DYNC2I1: variants seen among roughly 807,000 people sequenced by gnomAD.
The protein encoded by DYNC2I1 is dynein 2 intermediate chain 1, also known as cytoplasmic dynein 2 intermediate chain 1.
A neutral mutation model predicts 133.4 loss-of-function variants in DYNC2I1; 89 were observed. That is an observed-to-expected ratio of 0.67 (90% CI 0.56 to 0.80). The LOEUF is 0.80. Among genes scored for constraint, DYNC2I1 ranks in the 30% least tolerant of loss-of-function variants. DYNC2I1 has a pLI of 0.00. For missense variants in DYNC2I1, 1,291 were observed against 1,314.5 expected (o/e 0.98, Z 0.28); for synonymous variants, 504 against 484.3 (o/e 1.04, Z -0.54).
At chr7:158,902,932 G>C in intron 10 of DYNC2I1, 1 of 243,496 alleles carries the variant, frequency 4.1e-6, no homozygotes, top group Admixed American at 5.3e-5. Flanking sequence ...GCCCTCCTCA[G>C]TGGGAGCTGA....
chr7:158,913,708 GA>G (rs201489541), intron 13 of DYNC2I1, among the ~76,000 whole-genome samples: 237 of 151,946 alleles, frequency 1.6e-3, no homozygotes, highest in African/African-American at 5.5e-3. Context: ...TGATGCCTTT[GA>G]AAAAAAATTT....
intron 23 of DYNC2I1, among the ~76,000 whole-genome samples, chr7:158,936,784 C>T (rs1049628229): frequency 1.3e-5 from 2 of 152,220 alleles, no homozygotes; most frequent in South Asian, 2.1e-4. Context: ...CCCTTTGAGA[C>T]TTCCCTCATT....
chr7:158,898,141 T>A (rs745898498), intron 8 of DYNC2I1, among the ~76,000 whole-genome samples: 2 of 152,220 alleles, frequency 1.3e-5, no homozygotes, highest in Non-Finnish European at 2.9e-5. Context: ...TGTTAAGGTA[T>A]GTTTTATGGC....
chr7:158,841,187 A>T, the DYNC2I1 span, among the ~76,000 whole-genome samples: 5 of 60,074 alleles, frequency 8.3e-5, no homozygotes, highest in East Asian at 1.2e-3. Flanking sequence ...ATATATATAT[A>T]TATATATATA....
chr7:158,933,599 C>A (rs1850443321), intron 21 of DYNC2I1, among the ~76,000 whole-genome samples: 1 of 152,214 alleles, frequency 6.6e-6, no homozygotes. Context: ...TGGGAACCCA[C>A]AAGCTGAGAT....
chr7:158,869,314 A>G (rs6977670), intron 1 of DYNC2I1: 2 of 362,076 alleles, frequency 5.5e-6, no homozygotes, highest in South Asian at 4.2e-5. Flanking sequence ...TGGCATCTGC[A>G]GGGGCCTCTC....
At chr7:158,839,591 G>A in the DYNC2I1 span, among the ~76,000 whole-genome samples, 11,926 of 152,074 alleles carry the variant, frequency 0.078, 539 homozygotes, top group Middle Eastern at 0.15. Context: ...AGGCCGAGGC[G>A]GGTGGATCAC....
At chr7:158,886,643 G>T (rs531435310) in intron 6 of DYNC2I1, among the ~76,000 whole-genome samples, 6 of 151,866 alleles carry the variant, frequency 4.0e-5, no homozygotes, top group Non-Finnish European at 7.4e-5. Flanking sequence ...TTTCTCTGTC[G>T]CCCAGGCTGT....
intron 21 of DYNC2I1, among the ~76,000 whole-genome samples, chr7:158,931,445 TAA>T (rs1333235975): frequency 6.6e-6 from 1 of 152,218 alleles, no homozygotes; most frequent in Non-Finnish European, 1.5e-5. Flanking sequence ...AATTATATTT[TAA>T]AAAGTCATTT....
At chr7:158,885,117 C>T (rs1008778731) in intron 6 of DYNC2I1, among the ~76,000 whole-genome samples, 13 of 152,034 alleles carry the variant, frequency 8.6e-5, no homozygotes, top group African/African-American at 2.4e-4. Context: ...CAGGACGTGC[C>T]GGCGAGTCCC....
chr7:158,868,971 A>C (rs955542513), intron 1 of DYNC2I1, among the ~76,000 whole-genome samples: 8 of 152,174 alleles, frequency 5.3e-5, no homozygotes, highest in Non-Finnish European at 8.8e-5. Flanking sequence ...GTTGCTGTGT[A>C]AGAGGCTGTG....
At position 158,926,437 on chromosome 7, in the gene DYNC2I1, G is replaced by T; in HGVS notation, c.2407G>T (p.Asp803Tyr). 6.2e-7 allele frequency: 1 copy of T among 1,613,472 alleles called. No homozygotes were observed. ...SGLSFHIASL[D>Y]ESGVLNVWVV... ...TTTGTCCTTCCACATCGCTTCCTTG[G>T]ATGAGAGTGGGGTTCTCAATGTATG... The change falls in exon 19 of 25, where the codon GAT becomes TAT. Residue 803 changes from aspartate to tyrosine, a missense_variant. Coordinates refer to ENST00000407559, the MANE Select transcript of DYNC2I1 (RefSeq NM_018051.5).
rs1484415451 is a variant in DYNC2I1 at position 158,913,081 on chromosome 7, A to T, written c.1687A>T (p.Thr563Ser). The change falls in exon 13 of 25, where the codon ACT (threonine) becomes TCT (serine). Residue 563 changes from threonine (T) to serine (S), a missense_variant. Physicochemically the swap from Thr to Ser is moderately conservative, Grantham distance 58. Coordinates refer to ENST00000407559, the MANE Select transcript of DYNC2I1 (RefSeq NM_018051.5). The part of the protein sequence containing the change: ...EVWTQHPGES[T>S]VVSGGSEQRD... The stretch of plus-strand genomic sequence containing the variant: ...GTGGACCCAGCACCCGGGAGAAAGT[A>T]CTGTTGTATCTGGAGGTAACATCTT... The T allele has an allele frequency of 3.1e-6, 5 of 1,612,766 alleles. No homozygotes were observed. The African/African-American group carries it at 5.3e-5, about 17-fold the overall frequency.
At chr7:158,936,413 C>A (rs1377125418) in intron 23 of DYNC2I1, among the ~76,000 whole-genome samples, 1 of 152,108 alleles carries the variant, frequency 6.6e-6, no homozygotes, top group Non-Finnish European at 1.5e-5. Flanking sequence ...GAGAACTGGG[C>A]TTCCATATCC....
intron 1 of DYNC2I1, among the ~76,000 whole-genome samples, chr7:158,862,326 T>C (rs1279060058): frequency 1.3e-5 from 2 of 152,070 alleles, no homozygotes; most frequent in Non-Finnish European, 1.5e-5. Context: ...CAAAATACTT[T>C]GTCAAGTACT....
In DYNC2I1 at chr7:158,914,341, G is replaced by A. The variant is rs756439072; in HGVS notation, c.1791+20G>A. On this transcript the variant is annotated intron_variant, in intron 14 of 24. Transcript: ENST00000407559. ...TGTCAGGTATACTCAACCTATATAT[G>A]TTGTGTTCTCTGTGTAAGTGCTTAA... 2.5e-6 allele frequency: 4 copies of A among 1,593,170 alleles called. No individual in the cohort carries two copies. The highest frequency in any genetic ancestry group is 3.4e-6 in the Non-Finnish European group (4 of 1,167,578).
intron 23 of DYNC2I1, 32 bp from the exon 24 acceptor site, chr7:158,941,893 T>C (rs1486135761): frequency 1.9e-6 from 3 of 1,562,232 alleles, no homozygotes; most frequent in Admixed American, 1.9e-5. Flanking sequence ...AAAAAGGCCA[T>C]GCTCAGCAGT....
intron 5 of DYNC2I1, among the ~76,000 whole-genome samples, chr7:158,882,295 A>G (rs1410234722): frequency 6.6e-6 from 1 of 152,126 alleles, no homozygotes; most frequent in Non-Finnish European, 1.5e-5. Flanking sequence ...AAAACCACCT[A>G]AATCTCAGAT....
rs1355764527 is a variant in DYNC2I1, at chr7:158,857,041, G to A, written c.15+291G>A. Among the ~76,000 whole-genome samples, 26 of 152,142 alleles carry A rather than the reference G, an allele frequency of 1.7e-4. 1 individual carries two copies. The highest frequency in any genetic ancestry group is 1.7e-3 in the Admixed American group (26 of 15,282). ...CCCGTCTCCTCGCGCCCGGCCTGGA[G>A]GCGGCCTCGGCCCCTGCTGCGGGGC... On this transcript the variant is annotated intron_variant, in intron 1 of 24. Transcript: ENST00000407559.
Sources: allele counts gnomAD v4.1 joint callset (sites outside exome capture counted in the v4.1 genomes callset), GRCh38; gene constraint gnomAD v4.1.1; transcripts MANE v1.5; gene names NCBI Gene and HGNC (gene_info 2026-07-23, HGNC 2026-07-21).